DNAH8: variants seen among roughly 807,000 people sequenced by gnomAD.
DNAH8 encodes the protein dynein axonemal heavy chain 8.
In DNAH8, 382 loss-of-function variants were observed where a neutral mutation model predicts 562.1. That is an observed-to-expected ratio of 0.68 (90% CI 0.63 to 0.74). The LOEUF (loss-of-function observed/expected upper bound fraction) is 0.74, where lower values mean the gene tolerates loss of function less well. Ranked by LOEUF, DNAH8 falls within the 30% of genes least tolerant of loss-of-function variation. The pLI, the probability that DNAH8 is intolerant of heterozygous loss-of-function variation, is 0.00. For missense variants in DNAH8, 5,203 were observed against 5,620.4 expected, an observed-to-expected ratio of 0.93 and a Z score of 2.37; for synonymous variants, 1,881 against 1,919.4, an observed-to-expected ratio of 0.98 and a Z score of 0.52.
At chr6:39,012,777 GA>G (rs1561975557) in intron 91 of DNAH8, 140 bp downstream of exon 91, 3 of 639,944 alleles carry the variant, frequency 4.7e-6, no homozygotes, top group Non-Finnish European at 8.4e-6. Flanking sequence ...AAAGGCGAAA[GA>G]ACACAAATAA....
intron 82 of DNAH8, chr6:38,953,011 C>G (rs561392614): frequency 1.3e-5 from 2 of 152,366 alleles, no homozygotes; most frequent in South Asian, 4.1e-4. Flanking sequence ...TCACTTCTCT[C>G]TGCACACAGG....
chr6:38,872,782 G>A lies in DNAH8; in HGVS notation c.7237G>A (p.Gly2413Ser). ...LWRKTLKAKK[G>S]ENIFLILDGP... ...GAGAAAAACATTAAAAGCTAAAAAAGGTATACACAAACCTCCTTTGTGATC... is the reference window on the plus strand; with the variant it reads ...GAGAAAAACATTAAAAGCTAAAAAAAGTATACACAAACCTCCTTTGTGATC... The change falls in exon 50 of 93, where the codon GGT (glycine) becomes AGT (serine). Residue 2413 changes from glycine to serine, a missense_variant and splice_region_variant. Transcript: ENST00000327475. 7 of 1,613,870 alleles carry A rather than the reference G, an allele frequency of 4.3e-6. No individual in the cohort carries two copies. The highest frequency in any genetic ancestry group is 5.9e-6 in the Non-Finnish European group (7 of 1,179,912).
Position 38,857,579 on chromosome 6 carries a change from C to G in DNAH8, c.5795C>G (p.Ala1932Gly). The G allele has an allele frequency of 6.2e-7, 1 of 1,613,840 alleles. No homozygotes were observed. The highest frequency in any genetic ancestry group is 8.5e-7 in the Non-Finnish European group (1 of 1,179,870). ...GATTCAGAAGAGGCTTTACGTAATGCAAAAGATGACAGGAAAATCATGCAA... is the reference window on the plus strand; with the variant it reads ...GATTCAGAAGAGGCTTTACGTAATGGAAAAGATGACAGGAAAATCATGCAA... ...THDSEEALRN[A>G]KDDRKIMQVT... Residue 1932 changes from alanine to glycine, a missense_variant, in exon 42 of 93, where the codon GCA becomes GGA. Coordinates refer to ENST00000327475, the MANE Select transcript of DNAH8 (RefSeq NM_001206927.2).
At chr6:38,775,220 C>T (rs1337905287) in intron 12 of DNAH8, among the ~76,000 whole-genome samples, 2 of 152,170 alleles carry the variant, frequency 1.3e-5, no homozygotes, top group African/African-American at 2.4e-5. Context: ...CAGGTTGAGA[C>T]AAAGACAGCC....
intron 20 of DNAH8, among the ~76,000 whole-genome samples, chr6:38,791,141 A>G (rs1162115632): frequency 6.6e-6 from 1 of 152,190 alleles, no homozygotes; most frequent in East Asian, 1.9e-4. Context: ...TCTGTGTGTC[A>G]TGGCAGCATG....
At chr6:38,906,231 C>G in intron 62 of DNAH8, 23 bp from the exon 63 acceptor site, 1 of 1,505,510 alleles carries the variant, frequency 6.6e-7, no homozygotes, top group Non-Finnish European at 9.1e-7. Context: ...TAATCTAAAA[C>G]TTTCTATCAT....
chr6:38,722,199 G>C (rs1267273466), intron 1 of DNAH8, among the ~76,000 whole-genome samples: 1 of 152,134 alleles, frequency 6.6e-6, no homozygotes, highest in African/African-American at 2.4e-5. Context: ...TGAACTTTCT[G>C]TTTGGACTTG....
Position 38,898,362 on chromosome 6 carries a change from A to G in DNAH8, c.9045A>G (p.Ala3015=), listed in dbSNP as rs770989111. Residue 3015 remains alanine (A), a synonymous_variant, in exon 61 of 93, where the codon GCA becomes GCG. Transcript: ENST00000327475. ...TTGATCTGGTGTTTTTTAAAGATGC[A>G]ATGACTCATCTTATTAAGGTCCTAA... The part of the protein sequence containing the change: ...TSLDLVFFKD[A]MTHLIKISRI... 6.3e-7 allele frequency: 1 copy of G among 1,579,196 alleles called. No individual in the cohort carries two copies. Among genetic ancestry groups the G allele is most frequent in the South Asian group, 1.2e-5 (1 of 82,468 alleles).
chr6:38,969,434 G>A lies in DNAH8; in HGVS notation c.12452-2158G>A, dbSNP rs1763186072. 2.0e-5 allele frequency among the ~76,000 whole-genome samples: 3 copies of A among 152,130 alleles called. No individual in the cohort carries two copies. In the South Asian group the frequency reaches 6.2e-4, roughly 32 times the overall value. ...AAACAGACAGTTATTGATAAACAAGGTAGTACATAATATCCTAAGAAGAAA... is the reference window on the plus strand; with the variant it reads ...AAACAGACAGTTATTGATAAACAAGATAGTACATAATATCCTAAGAAGAAA... On this transcript the variant is annotated intron_variant, in intron 82 of 92. Coordinates refer to ENST00000327475, the MANE Select transcript of DNAH8 (RefSeq NM_001206927.2).
intron 63 of DNAH8, among the ~76,000 whole-genome samples, 156 bp from the exon 64 acceptor site, chr6:38,907,800 A>G (rs1237935312): frequency 6.6e-6 from 1 of 152,226 alleles, no homozygotes. Context: ...TGCAGTCTTG[A>G]TCATCTCTGG....
chr6:38,944,310 T>C (rs191883289), intron 79 of DNAH8, among the ~76,000 whole-genome samples: 2 of 152,308 alleles, frequency 1.3e-5, no homozygotes, highest in African/African-American at 4.8e-5. Context: ...GAGCCACAGA[T>C]TCCCAAGTCC....
intron 43 of DNAH8, 147 bp downstream of exon 43, chr6:38,860,776 A>T (rs1776559861): frequency 4.1e-6 from 2 of 484,180 alleles, no homozygotes; most frequent in African/African-American, 4.0e-5. Flanking sequence ...CAATGAAATA[A>T]CCACTTAAAT....
In DNAH8 at chr6:39,026,579, G is replaced by T. The variant is rs139227429; in HGVS notation, c.13748G>T (p.Arg4583Leu). The stretch of plus-strand genomic sequence containing the variant: ...ACAGCAATGAGGCAAGAAGTGACCC[G>T]TGCCCACAAAGGCTGGGCACTGGAC... ...FLTAMRQEVT[R>L]AHKGWALDTV... is the part of the protein sequence containing the mutation. The change falls in exon 92 of 93, where the codon CGT becomes CTT. Residue 4583 changes from arginine to leucine, a missense_variant. Around this residue, in one of 6 missense-constraint regions of DNAH8, gnomAD observed 1,399 missense variants for 1,518.4 expected, o/e 0.92. Transcript: ENST00000327475. 151 of 1,613,086 alleles carry T rather than the reference G, an allele frequency of 9.4e-5. No homozygotes were observed. In the East Asian group the frequency reaches 2.4e-3, roughly 25 times the overall value.
At chr6:38,959,089 T>C (rs1678965082) in intron 82 of DNAH8, among the ~76,000 whole-genome samples, 2 of 152,146 alleles carry the variant, frequency 1.3e-5, no homozygotes, top group South Asian at 4.2e-4. Context: ...TCCTTTGTGA[T>C]AAAAACCCTA....
In DNAH8 at chr6:38,856,781, C is replaced by T. The variant is rs76607770; in HGVS notation, c.5734-737C>T. ...AGCAGTATCCACATACTGCCTGCCCCGCTTTCAGTCCTCTTTTTTGGTCCA... is the reference window on the plus strand; with the variant it reads ...AGCAGTATCCACATACTGCCTGCCCTGCTTTCAGTCCTCTTTTTTGGTCCA... On this transcript the variant is annotated intron_variant, in intron 41 of 92. Transcript: ENST00000327475. Among the ~76,000 whole-genome samples the T allele has an allele frequency of 0.01, 1,566 of 152,244 alleles. 91 individuals are homozygous for T. The East Asian group carries it at 0.15, about 14-fold the overall frequency.
chr6:38,870,242 A>G (rs1230241149), intron 48 of DNAH8, among the ~76,000 whole-genome samples, 159 bp from the exon 49 acceptor site: 2 of 152,214 alleles, frequency 1.3e-5, no homozygotes, highest in African/African-American at 4.8e-5. Flanking sequence ...AAACCATATC[A>G]GTGATATTCT....
At chr6:38,875,040 C>G (rs1000195151) in intron 52 of DNAH8, among the ~76,000 whole-genome samples, 1 of 152,190 alleles carries the variant, frequency 6.6e-6, no homozygotes, top group Non-Finnish European at 1.5e-5. Context: ...AGGCTTTGCA[C>G]AACTCTCTGT....
rs773517590 is a variant in DNAH8 at position 38,882,905 on chromosome 6, T to C, written c.7859-5T>C. ...TATTAAGATGAAATTTTACTTATTATATAGGTGATTGGGAGCACTGGAATA... is the reference window on the plus strand; with the variant it reads ...TATTAAGATGAAATTTTACTTATTACATAGGTGATTGGGAGCACTGGAATA... On this transcript the variant is annotated splice_polypyrimidine_tract_variant and splice_region_variant and intron_variant, in intron 53 of 92. Transcript: ENST00000327475. 3 of 1,553,620 alleles carry C rather than the reference T, an allele frequency of 1.9e-6. No individual in the cohort carries two copies. The African/African-American group carries it at 4.2e-5, about 22-fold the overall frequency.
intron 85 of DNAH8, among the ~76,000 whole-genome samples, chr6:38,979,354 G>A (rs542152651): frequency 7.9e-5 from 12 of 151,996 alleles, no homozygotes; most frequent in Non-Finnish European, 1.8e-4. Flanking sequence ...TTATTGTATT[G>A]CATAGGACTC....
Sources: gnomAD v4.1 joint callset for allele counts (sites outside exome capture counted in the v4.1 genomes callset) on GRCh38, gnomAD v4.1.1 for gene constraint, gnomAD v4.1.1 regional missense constraint, MANE v1.5 for transcripts, NCBI Gene and HGNC (gene_info 2026-07-23, HGNC 2026-07-21) for gene names.